Variants in PCBP3 observed in about 807,000 individuals in gnomAD.
PCBP3 encodes the protein poly(rC) binding protein 3.
Under a neutral mutation model 52.7 loss-of-function variants are expected in PCBP3, and 25 were observed. The ratio of observed to expected loss-of-function variants is 0.47; its 90% confidence interval spans 0.35 to 0.66. PCBP3 has a LOEUF of 0.66. Ranked by LOEUF, PCBP3 falls within the 30% of genes least tolerant of loss-of-function variation. The probability of loss-of-function intolerance (pLI) is 0.01; values close to 1 mark genes in which losing one functional copy is unlikely to be tolerated. For missense variants in PCBP3, 391 were observed against 490.3 expected, an observed-to-expected ratio of 0.80 and a Z score of 1.91; for synonymous variants, 162 against 183.0, an observed-to-expected ratio of 0.89 and a Z score of 0.93.
chr21:45,678,034 G>A (rs1386909349), intron 2 of PCBP3, among the ~76,000 whole-genome samples: 1 of 152,182 alleles, frequency 6.6e-6, no homozygotes, highest in Non-Finnish European at 1.5e-5. Context: ...ACTTTCAAGT[G>A]TTACTACTTA....
At chr21:45,934,539 G>A (rs959419746) in intron 15 of PCBP3, among the ~76,000 whole-genome samples, 22 of 152,226 alleles carry the variant, frequency 1.4e-4, no homozygotes, top group African/African-American at 5.3e-4. Context: ...ATATAGAAAT[G>A]TGCAGCTTTT....
chr21:45,901,938 A>AC (rs1467053528), intron 9 of PCBP3, among the ~76,000 whole-genome samples: 5 of 151,544 alleles, frequency 3.3e-5, no homozygotes, highest in African/African-American at 1.2e-4. Flanking sequence ...ATAAACAAAG[A>AC]CCCCTCCAAG....
chr21:45,911,271 A>G (rs1317851732), intron 11 of PCBP3: 1 of 582,162 alleles, frequency 1.7e-6, no homozygotes, highest in Non-Finnish European at 3.1e-6. Context: ...GCATGTGGAG[A>G]GGAGGGAGCC....
intron 1 of PCBP3, among the ~76,000 whole-genome samples, chr21:45,649,883 A>T (rs563697633): frequency 1.3e-5 from 2 of 152,190 alleles, no homozygotes; most frequent in East Asian, 3.9e-4. Context: ...TCATGAATAG[A>T]TTTTGAATTT....
intron 9 of PCBP3, among the ~76,000 whole-genome samples, chr21:45,909,124 C>T (rs529356776): frequency 7.9e-5 from 12 of 152,128 alleles, no homozygotes; most frequent in Middle Eastern, 6.8e-3. Context: ...AACCCCACTG[C>T]GGCACGGTGA....
chr21:45,863,564 C>T (rs894778477), intron 5 of PCBP3, among the ~76,000 whole-genome samples: 11 of 152,216 alleles, frequency 7.2e-5, no homozygotes, highest in African/African-American at 2.4e-4. Flanking sequence ...AAGTGGGTCA[C>T]ATGTGCCTGG....
chr21:45,933,907 G>A (rs1472368092), intron 15 of PCBP3, among the ~76,000 whole-genome samples: 1 of 152,188 alleles, frequency 6.6e-6, no homozygotes, highest in African/African-American at 2.4e-5. Context: ...AGGGACGGGG[G>A]GCAGGGCAGA....
chr21:45,778,623 A>T lies in PCBP3; in HGVS notation c.-126+23171A>T, dbSNP rs149012835. Among the ~76,000 whole-genome samples, 654 of 152,312 alleles carry T rather than the reference A, an allele frequency of 4.3e-3. 6 individuals are homozygous for T. The highest frequency in any genetic ancestry group is 0.017 in the Middle Eastern group (5 of 294). ...TTGCAGGTAGGTGCCAGCTGAGGTG[A>T]TAGCAGCTGGGAGATGAGACCCAAA... On this transcript the variant is annotated intron_variant, in intron 4 of 17. Transcript: ENST00000681687.
At chr21:45,695,165 CT>C (rs2147861908) in intron 2 of PCBP3, among the ~76,000 whole-genome samples, 1 of 152,330 alleles carries the variant, frequency 6.6e-6, no homozygotes, top group East Asian at 1.9e-4. Flanking sequence ...TGCCAGTTAT[CT>C]GTTATTACCT....
intron 5 of PCBP3, among the ~76,000 whole-genome samples, chr21:45,862,218 C>T (rs996164461): frequency 1.3e-5 from 2 of 151,872 alleles, no homozygotes; most frequent in Non-Finnish European, 2.9e-5. Flanking sequence ...TAAATCATAG[C>T]AACAAACATT....
At position 45,695,741 on chromosome 21, in the gene PCBP3, A is replaced by G. The variant is rs1769000711; in HGVS notation, c.-200+26789A>G. ...TGACTAGAACCTGGTACATAAGGCCACTTGATTTTTAGCAAAGGCACCACC... is the reference window on the plus strand; with the variant it reads ...TGACTAGAACCTGGTACATAAGGCCGCTTGATTTTTAGCAAAGGCACCACC... On this transcript the variant is annotated intron_variant, in intron 2 of 17. Coordinates refer to ENST00000681687, the MANE Select transcript of PCBP3 (RefSeq NM_001384156.1). Among the ~76,000 whole-genome samples, 4 of 152,082 alleles carry G rather than the reference A, an allele frequency of 2.6e-5. No individual in the cohort carries two copies. The South Asian group carries it at 6.2e-4, about 24-fold the overall frequency.
At chr21:45,773,994 T>C (rs931836528) in intron 4 of PCBP3, among the ~76,000 whole-genome samples, 2 of 152,244 alleles carry the variant, frequency 1.3e-5, no homozygotes, top group Admixed American at 6.5e-5. Flanking sequence ...CTGTTGTAAA[T>C]GTGATTGTCT....
intron 2 of PCBP3, among the ~76,000 whole-genome samples, chr21:45,720,564 G>A (rs1319726818): frequency 6.6e-6 from 1 of 152,214 alleles, no homozygotes; most frequent in Non-Finnish European, 1.5e-5. Flanking sequence ...AGCAGTGTGA[G>A]TAAATTATTC....
intron 4 of PCBP3, chr21:45,760,362 C>T (rs561609755): frequency 6.6e-6 from 1 of 152,220 alleles, no homozygotes; most frequent in East Asian, 1.9e-4. Flanking sequence ...TTCTAAAGGA[C>T]CTATTTCAGG....
Position 45,758,287 on chromosome 21 carries a change from AT to A in PCBP3, c.-126+2844del, listed in dbSNP as rs1030749624. On this transcript the variant is annotated intron_variant, in intron 4 of 17. Coordinates refer to ENST00000681687, the MANE Select transcript of PCBP3 (RefSeq NM_001384156.1). ...GTTCTTCTTTTCCGAAATTTTGACT[AT>A]TTTTTTTTGTCATTGTTGCATTCCA... Among the ~76,000 whole-genome samples the A allele has an allele frequency of 1.7e-4, 26 of 151,232 alleles. No individual in the cohort carries two copies. In the South Asian group the frequency reaches 4.6e-3, roughly 27 times the overall value.
At chr21:45,848,653 C>G (rs1204097676) in intron 4 of PCBP3, among the ~76,000 whole-genome samples, 3 of 152,156 alleles carry the variant, frequency 2.0e-5, no homozygotes, top group African/African-American at 7.2e-5. Context: ...TAAATTAATT[C>G]TCATTTCACA....
intron 4 of PCBP3, among the ~76,000 whole-genome samples, chr21:45,820,481 C>T (rs1485684768): frequency 6.6e-6 from 1 of 152,214 alleles, no homozygotes; most frequent in Non-Finnish European, 1.5e-5. Context: ...TGACCCAGGT[C>T]AGGATAGGAC....
At chr21:45,663,600 G>A (rs2080564375) in intron 1 of PCBP3, among the ~76,000 whole-genome samples, 1 of 152,070 alleles carries the variant, frequency 6.6e-6, no homozygotes, top group African/African-American at 2.4e-5. Flanking sequence ...TTCTGCGTAT[G>A]GCTATCCAGT....
At chr21:45,939,165 G>T (rs2077188099) in intron 16 of PCBP3, among the ~76,000 whole-genome samples, 1 of 152,218 alleles carries the variant, frequency 6.6e-6, no homozygotes, top group Non-Finnish European at 1.5e-5. Context: ...CTCCAGTCTG[G>T]GGCTTTCTCT....
Sources: gnomAD v4.1 joint callset for allele counts (sites outside exome capture counted in the v4.1 genomes callset) on GRCh38, gnomAD v4.1.1 for gene constraint, MANE v1.5 for transcripts, NCBI Gene and HGNC (gene_info 2026-07-23, HGNC 2026-07-21) for gene names.